ADAMTSL1: variants seen among roughly 807,000 people sequenced by gnomAD.
ADAMTSL1 encodes ADAMTS-like protein 1.
ADAMTSL1 carries 126 observed loss-of-function variants against 201.8 expected under a neutral mutation model. That is an observed-to-expected ratio of 0.62 (90% confidence interval 0.54 to 0.72). The LOEUF (loss-of-function observed/expected upper bound fraction) is 0.72, where lower values mean the gene tolerates loss of function less well. ADAMTSL1 is among the 30% of genes least tolerant of loss of function. ADAMTSL1 has a pLI of 0.00. For synonymous variants in ADAMTSL1, 1,121 were observed against 903.4 expected, an observed-to-expected ratio of 1.24 and a Z score of -4.32; for missense variants, 2,679 against 2,277.8, an observed-to-expected ratio of 1.18 and a Z score of -3.59.
intron 2 of ADAMTSL1, among the ~76,000 whole-genome samples, chr9:18,530,866 T>C (rs1819402194): frequency 6.6e-6 from 1 of 152,142 alleles, no homozygotes; most frequent in Non-Finnish European, 1.5e-5. Flanking sequence ...TTAAACTGGG[T>C]ACTCTTAATC....
In ADAMTSL1 at chr9:18,795,390, G is replaced by A. The variant is rs201706809; in HGVS notation, c.3678-7G>A. ...ACCAGGTCTATATTTCTTTTCTGTC[G>A]CTCCAGGATTCTTCTACAGCCAGAT... On this transcript the variant is annotated splice_polypyrimidine_tract_variant and splice_region_variant and intron_variant, in intron 19 of 28. Coordinates refer to ENST00000380548, the MANE Select transcript of ADAMTSL1 (RefSeq NM_001040272.6). 9.7e-5 allele frequency: 156 copies of A among 1,613,338 alleles called. No individual in the cohort carries two copies. Among genetic ancestry groups the A allele is most frequent in the Middle Eastern group, 1.7e-4 (1 of 6,056 alleles).
At chr9:18,268,961 C>T (rs1012183829) in intron 2 of ADAMTSL1, among the ~76,000 whole-genome samples, 7 of 152,140 alleles carry the variant, frequency 4.6e-5, no homozygotes, top group East Asian at 1.9e-4. Context: ...TCTCAAAGAA[C>T]GCTATTGTAA....
intron 26 of ADAMTSL1, among the ~76,000 whole-genome samples, chr9:18,894,520 G>C (rs180680152): frequency 1.3e-5 from 2 of 151,880 alleles, no homozygotes; most frequent in African/African-American, 4.8e-5. Context: ...AGCGTGATTC[G>C]CATGGCTTCC....
At chr9:18,343,703 T>A (rs1835572427) in intron 2 of ADAMTSL1, among the ~76,000 whole-genome samples, 1 of 152,136 alleles carries the variant, frequency 6.6e-6, no homozygotes, top group African/African-American at 2.4e-5. Context: ...ACTGACTAGG[T>A]TGCACCATCT....
chr9:18,227,330 A>G (rs1587353502), intron 2 of ADAMTSL1, among the ~76,000 whole-genome samples: 1 of 152,278 alleles, frequency 6.6e-6, no homozygotes, highest in South Asian at 2.1e-4. Context: ...CCCTACCCCA[A>G]GCAGATTCTC....
At chr9:18,074,471 G>GTCTTTTCTTTTTTCTTTTC (rs1823105459) in intron 1 of ADAMTSL1, among the ~76,000 whole-genome samples, 1 of 126,870 alleles carries the variant, frequency 7.9e-6, no homozygotes, top group African/African-American at 3.0e-5. Flanking sequence ...ACCACACTGT[G>GTCTTTTCTTTTTTCTTTTC]TTTTCTTTTC....
intron 2 of ADAMTSL1, among the ~76,000 whole-genome samples, chr9:18,522,146 G>A (rs1818735515): frequency 6.6e-6 from 1 of 152,136 alleles, no homozygotes; most frequent in South Asian, 2.1e-4. Context: ...CTACTAGAGG[G>A]AGGAGGAGAG....
At chr9:18,582,407 C>A (rs1440257388) in intron 4 of ADAMTSL1, among the ~76,000 whole-genome samples, 1 of 152,110 alleles carries the variant, frequency 6.6e-6, no homozygotes, top group African/African-American at 2.4e-5. Context: ...TGTGTTCTGA[C>A]CCAAATCTCA....
At chr9:18,136,207 AAAT>A (rs1273668090) in intron 1 of ADAMTSL1, among the ~76,000 whole-genome samples, 1 of 152,188 alleles carries the variant, frequency 6.6e-6, no homozygotes, top group Admixed American at 6.5e-5. Context: ...GCTTATTAAA[AAAT>A]AAATATTTCC....
At chr9:18,303,687 G>A (rs946519965) in intron 2 of ADAMTSL1, among the ~76,000 whole-genome samples, 2 of 152,090 alleles carry the variant, frequency 1.3e-5, no homozygotes, top group Admixed American at 1.3e-4. Context: ...CAGGGATGGG[G>A]GTATGAAATA....
intron 1 of ADAMTSL1, among the ~76,000 whole-genome samples, chr9:18,066,523 A>G (rs1822709887): frequency 6.6e-6 from 1 of 152,360 alleles, no homozygotes; most frequent in South Asian, 2.1e-4. Context: ...GCAAGTGATT[A>G]TTAGATGACT....
chr9:18,125,198 A>C (rs901559634), intron 1 of ADAMTSL1, among the ~76,000 whole-genome samples: 2 of 152,174 alleles, frequency 1.3e-5, no homozygotes, highest in Admixed American at 1.3e-4. Flanking sequence ...AAGGAGGAGC[A>C]AGTCGCCTCT....
intron 2 of ADAMTSL1, among the ~76,000 whole-genome samples, chr9:18,368,906 G>GGTA (rs1836908323): frequency 1.3e-5 from 2 of 152,090 alleles, no homozygotes. Context: ...TATAAAACAT[G>GGTA]GTAGTTCACA....
At chr9:18,153,681 G>A (rs1306223543) in intron 1 of ADAMTSL1, among the ~76,000 whole-genome samples, 1 of 152,020 alleles carries the variant, frequency 6.6e-6, no homozygotes. Flanking sequence ...CTTGTAAAAT[G>A]CAGAATGAGG....
At chr9:18,540,116 G>A (rs555800411) in intron 3 of ADAMTSL1, among the ~76,000 whole-genome samples, 4 of 152,296 alleles carry the variant, frequency 2.6e-5, no homozygotes, top group African/African-American at 9.6e-5. Flanking sequence ...AAGAGAGAGG[G>A]AGAGTTAGTT....
chr9:18,818,311 C>T (rs1016450805), intron 21 of ADAMTSL1, among the ~76,000 whole-genome samples: 1 of 52,658 alleles, frequency 1.9e-5, no homozygotes, highest in Non-Finnish European at 4.4e-5. Flanking sequence ...TAGGCAGTGG[C>T]ACCCCCATGC....
At chr9:18,783,296 C>A (rs1821510162) in intron 19 of ADAMTSL1, among the ~76,000 whole-genome samples, 1 of 152,162 alleles carries the variant, frequency 6.6e-6, no homozygotes, top group African/African-American at 2.4e-5. Context: ...CTCTTTTAAA[C>A]TTTTAAAAGT....
chr9:18,766,891 C>T (rs1468516798), intron 16 of ADAMTSL1, among the ~76,000 whole-genome samples: 1 of 152,076 alleles, frequency 6.6e-6, no homozygotes, highest in East Asian at 1.9e-4. Flanking sequence ...ACATTCAGAC[C>T]AAAGCACCAA....
intron 2 of ADAMTSL1, among the ~76,000 whole-genome samples, chr9:18,316,685 C>A (rs189690731): frequency 6.6e-6 from 1 of 152,002 alleles, no homozygotes; most frequent in Admixed American, 6.5e-5. Context: ...ACAATTTATG[C>A]AGTTAATGCA....
Sources: allele counts gnomAD v4.1 joint callset (sites outside exome capture counted in the v4.1 genomes callset), GRCh38; gene constraint gnomAD v4.1.1; transcripts MANE v1.5; gene names NCBI Gene and HGNC (gene_info 2026-07-23, HGNC 2026-07-21).